PCDHGB1: variants seen among roughly 807,000 people sequenced by gnomAD.
PCDHGB1 encodes protocadherin gamma-B1.
In PCDHGB1, 34 loss-of-function variants were observed where a neutral mutation model predicts 56.6. The observed-to-expected ratio is 0.60, with a 90% CI of 0.46 to 0.80. The LOEUF (loss-of-function observed/expected upper bound fraction) is 0.80, where lower values mean the gene tolerates loss of function less well. Ranked by LOEUF, PCDHGB1 falls within the 30% of genes least tolerant of loss-of-function variation. The probability of loss-of-function intolerance (pLI) is 0.00; values close to 1 mark genes in which losing one functional copy is unlikely to be tolerated. For synonymous variants in PCDHGB1, 561 were observed against 505.9 expected, an observed-to-expected ratio of 1.11 and a Z score of -1.46; for missense variants, 1,278 against 1,204.6, an observed-to-expected ratio of 1.06 and a Z score of -0.90.
chr5:141,369,142 G>A (rs1302830150), intron 1 of PCDHGB1, among the ~76,000 whole-genome samples: 1 of 152,140 alleles, frequency 6.6e-6, no homozygotes, highest in Non-Finnish European at 1.5e-5. Context: ...ATGGAAAATG[G>A]CATGTTATTG....
chr5:141,359,213 C>T (rs1441871406), intron 1 of PCDHGB1, among the ~76,000 whole-genome samples: 3 of 152,010 alleles, frequency 2.0e-5, no homozygotes, highest in Admixed American at 1.3e-4. Context: ...TGAGAGACAA[C>T]TTACATCTGA....
intron 1 of PCDHGB1, among the ~76,000 whole-genome samples, chr5:141,401,496 C>T (rs909382274): frequency 6.6e-6 from 1 of 152,190 alleles, no homozygotes; most frequent in African/African-American, 2.4e-5. Context: ...GATGCAAAAT[C>T]CTTTTCCACC....
intron 1 of PCDHGB1, among the ~76,000 whole-genome samples, chr5:141,459,324 T>G (rs2098966238): frequency 6.6e-6 from 1 of 152,226 alleles, no homozygotes; most frequent in African/African-American, 2.4e-5. Flanking sequence ...ATCCATCTTC[T>G]TTTACTCCAA....
At chr5:141,458,201 TAGTTTAAAATA>T (rs1175017515) in intron 1 of PCDHGB1, among the ~76,000 whole-genome samples, 1 of 152,168 alleles carries the variant, frequency 6.6e-6, no homozygotes, top group Non-Finnish European at 1.5e-5. Context: ...AGGCCATAAA[TAGTTTAAAATA>T]AGTTTCCTTT....
intron 1 of PCDHGB1, chr5:141,371,686 C>G: frequency 6.2e-7 from 1 of 1,614,028 alleles, no homozygotes; most frequent in East Asian, 2.2e-5. Context: ...GGCAATCCAC[C>G]GCTCTCCTCC....
intron 1 of PCDHGB1, chr5:141,428,236 G>T: frequency 5.8e-6 from 6 of 1,027,096 alleles, no homozygotes; most frequent in Non-Finnish European, 8.9e-6. Flanking sequence ...CAGCCTGCAG[G>T]AGGCACTGCC....
intron 1 of PCDHGB1, chr5:141,376,100 G>C (rs772318189): frequency 8.7e-6 from 14 of 1,613,632 alleles, no homozygotes; most frequent in Non-Finnish European, 1.2e-5. Context: ...CGACATCCTG[G>C]CCGACCTGGG....
intron 1 of PCDHGB1, chr5:141,428,099 C>T: frequency 6.8e-6 from 11 of 1,608,710 alleles, no homozygotes; most frequent in East Asian, 2.2e-5. Context: ...TGTCCTACCA[C>T]GTGCTGCAGG....
chr5:141,404,372 G>A (rs747130914), intron 1 of PCDHGB1: 7 of 1,613,844 alleles, frequency 4.3e-6, no homozygotes, highest in South Asian at 1.1e-5. Context: ...CATCTTCTCC[G>A]TGATTGCCTA....
rs771759945 is a variant in PCDHGB1, at chr5:141,405,371, G to A, written c.2409+52702G>A. 49 of 1,598,874 alleles carry A rather than the reference G, an allele frequency of 3.1e-5. No individual in the cohort carries two copies. The highest frequency in any genetic ancestry group is 3.7e-5 in the Non-Finnish European group (43 of 1,176,096). ...GTTTCCTATAGAAGACACCCCTTTG[G>A]TTCCGGTGAGTTCATTTTTTTTCTT... On this transcript the variant is annotated intron_variant, in intron 1 of 3. Transcript: ENST00000523390.
chr5:141,423,972 T>A (rs1459859824), intron 1 of PCDHGB1: 2 of 1,128,544 alleles, frequency 1.8e-6, no homozygotes, highest in African/African-American at 3.3e-5. Flanking sequence ...CTATTATCAG[T>A]GTATGAGGCT....
chr5:141,409,766 C>G, intron 1 of PCDHGB1: 1 of 1,612,910 alleles, frequency 6.2e-7, no homozygotes, highest in Non-Finnish European at 8.5e-7. Context: ...CGCCTTTGAT[C>G]ACGAGCAGCT....
intron 1 of PCDHGB1, among the ~76,000 whole-genome samples, chr5:141,436,221 G>C (rs1468526543): frequency 6.6e-6 from 1 of 152,004 alleles, no homozygotes; most frequent in African/African-American, 2.4e-5. Context: ...CAAATGACTT[G>C]GGAAACTAAG....
chr5:141,428,288 A>G (rs1413902705), intron 1 of PCDHGB1: 1 of 728,846 alleles, frequency 1.4e-6, no homozygotes, highest in Middle Eastern at 2.3e-4. Flanking sequence ...TCCCAAGCAA[A>G]GCTGCAGATT....
chr5:141,415,163 C>A, intron 1 of PCDHGB1: 1 of 1,613,856 alleles, frequency 6.2e-7, no homozygotes. Flanking sequence ...GCCACTGTCA[C>A]GCTCACCGTG....
intron 1 of PCDHGB1, chr5:141,416,001 G>C (rs2095980823): frequency 4.0e-6 from 1 of 253,062 alleles, no homozygotes; most frequent in Non-Finnish European, 7.3e-6. Flanking sequence ...AGGCAGGTCT[G>C]GTAAGAATAG....
At position 141,477,137 on chromosome 5, in the gene PCDHGB1, G is replaced by A; in HGVS notation, c.2410-17670G>A. 1 of 1,614,200 alleles carries A rather than the reference G, an allele frequency of 6.2e-7. No individual in the cohort carries two copies. The highest frequency in any genetic ancestry group is 8.5e-7 in the Non-Finnish European group (1 of 1,180,050). On this transcript the variant is annotated intron_variant, in intron 1 of 3. Coordinates refer to ENST00000523390, the MANE Select transcript of PCDHGB1 (RefSeq NM_018922.3). The surrounding 1 kb of genome is among the most constrained non-coding windows in gnomAD (Gnocchi z 4.9). ...AGGAGCACATTGCAAAGTGTTGGTG[G>A]AGGTTGTGGATGTGAATGACAACGC...
At chr5:141,355,153 T>C in intron 1 of PCDHGB1, 1 of 1,549,638 alleles carries the variant, frequency 6.5e-7, no homozygotes, top group Non-Finnish European at 8.7e-7. Flanking sequence ...TCCTCAGGCC[T>C]CGACAGAGGG....
chr5:141,388,237 A>G, intron 1 of PCDHGB1: 3 of 1,607,818 alleles, frequency 1.9e-6, no homozygotes, highest in Non-Finnish European at 2.6e-6. Context: ...AACTTTTATC[A>G]CGTGAATGTG....
Sources: allele counts gnomAD v4.1 joint callset (sites outside exome capture counted in the v4.1 genomes callset), GRCh38; gene constraint gnomAD v4.1.1; non-coding constraint Gnocchi (gnomAD v3.1); transcripts MANE v1.5; gene names NCBI Gene and HGNC (gene_info 2026-07-23, HGNC 2026-07-21).